The following ASZ1 variants were observed in gnomAD, a reference collection of about 807,000 sequenced individuals.
The protein encoded by ASZ1 is ankyrin repeat, SAM and basic leucine zipper domain containing 1.
Under a neutral mutation model 61.8 loss-of-function variants are expected in ASZ1, and 67 were observed. That is an observed-to-expected ratio of 1.08 (90% CI 0.89 to 1.33). The LOEUF is 1.33. Among genes scored for constraint, ASZ1 ranks in the 40% most tolerant of loss-of-function variants. ASZ1 has a pLI of 0.00. For missense variants in ASZ1, 577 were observed against 554.5 expected (o/e 1.04, Z -0.41); for synonymous variants, 193 against 192.7 (o/e 1.00, Z -0.01).
At position 117,387,309 on chromosome 7, in the gene ASZ1, A is replaced by AACG. The variant is rs546481724; in HGVS notation, c.441-1501_441-1500insCGT. On this transcript the variant is annotated intron_variant, in intron 4 of 12. Transcript: ENST00000284629. ...GGCAACCAGAGTGAGACCCTGTCTC[A>AACG]ACAACAACAACAACAACAACAACAA... Among the ~76,000 whole-genome samples the AACG allele has an allele frequency of 1.8e-4, 15 of 85,508 alleles. 1 individual carries two copies. Among genetic ancestry groups the AACG allele is most frequent in the African/African-American group, 1.2e-3 (14 of 11,728 alleles). 56.1% of individuals were successfully genotyped at this position (85,508 alleles called of 152,430 possible). A position where few individuals can be genotyped will look rare whatever the true frequency, so the allele number is the denominator to read the frequency against.
rs780794262 is a variant in ASZ1, at chr7:117,363,683, A to G, written c.1341T>C (p.Asn447=). Residue 447 remains asparagine (N), a synonymous_variant, in exon 13 of 13, where the codon AAT becomes AAC. Coordinates refer to ENST00000284629, the MANE Select transcript of ASZ1 (RefSeq NM_130768.3). ...IQLREEVSTW[N]SRILKRTAIT... The stretch of plus-strand genomic sequence containing the variant: ...TAGCTGTCCTCTTCAAAATTCTACT[A>G]TTCCATGTAGATACTTCTTCCCTTA... 1.9e-6 allele frequency: 3 copies of G among 1,607,364 alleles called. No homozygotes were observed. The highest frequency in any genetic ancestry group is 1.1e-5 in the South Asian group (1 of 90,194).
At chr7:117,395,779 A>T (rs188356140) in intron 4 of ASZ1, among the ~76,000 whole-genome samples, 1 of 152,304 alleles carries the variant, frequency 6.6e-6, no homozygotes, top group East Asian at 1.9e-4. Flanking sequence ...TCCTAATAAA[A>T]AAGATGTAAT....
intron 4 of ASZ1, among the ~76,000 whole-genome samples, chr7:117,406,347 TAAAATATG>T (rs1401768190): frequency 4.6e-5 from 7 of 152,182 alleles, no homozygotes; most frequent in Non-Finnish European, 8.8e-5. Context: ...AATCCCTGTT[TAAAATATG>T]AAAATAGAGG....
intron 4 of ASZ1, among the ~76,000 whole-genome samples, chr7:117,388,709 T>C (rs1193601573): frequency 6.6e-6 from 1 of 152,062 alleles, no homozygotes; most frequent in African/African-American, 2.4e-5. Context: ...AAGAGTACTT[T>C]CCCCCAACAT....
At chr7:117,387,307 TCAA>T (rs3034755) in intron 4 of ASZ1, among the ~76,000 whole-genome samples, 35,019 of 147,160 alleles carry the variant, frequency 0.24, 5,857 homozygotes, top group East Asian at 0.71. Flanking sequence ...AGACCCTGTC[TCAA>T]CAACAACAAC....
intron 10 of ASZ1, among the ~76,000 whole-genome samples, chr7:117,378,653 C>T (rs1353487029): frequency 6.6e-6 from 1 of 152,010 alleles, no homozygotes; most frequent in East Asian, 1.9e-4. Context: ...AACCACCGTA[C>T]AACCTAACAA....
intron 6 of ASZ1, 56 bp from the exon 7 acceptor site, chr7:117,383,166 C>G: frequency 7.1e-7 from 1 of 1,407,474 alleles, no homozygotes; most frequent in Non-Finnish European, 9.3e-7. Flanking sequence ...GTAACTTACA[C>G]TTAAAAGAAA....
intron 10 of ASZ1, among the ~76,000 whole-genome samples, chr7:117,377,259 G>C (rs1333852840): frequency 6.6e-6 from 1 of 152,124 alleles, no homozygotes; most frequent in African/African-American, 2.4e-5. Context: ...AGAAATGGTG[G>C]GTCAGGTTTG....
intron 4 of ASZ1, among the ~76,000 whole-genome samples, chr7:117,409,370 C>T (rs1488607894): frequency 6.6e-6 from 1 of 151,688 alleles, no homozygotes; most frequent in Non-Finnish European, 1.5e-5. Context: ...AAAAGTTAAA[C>T]ATATTAGCAA....
chr7:117,381,161 T>A, intron 8 of ASZ1, 94 bp from the exon 9 acceptor site: 2 of 1,144,320 alleles, frequency 1.7e-6, no homozygotes, highest in Non-Finnish European at 2.5e-6. Flanking sequence ...CTTGCTTCAC[T>A]CTGAAGCAAA....
chr7:117,387,998 T>C (rs1230000537), intron 4 of ASZ1, among the ~76,000 whole-genome samples: 1 of 152,106 alleles, frequency 6.6e-6, no homozygotes, highest in Non-Finnish European at 1.5e-5. Context: ...ATCCAGATTT[T>C]AGAAGTATGA....
intron 4 of ASZ1, among the ~76,000 whole-genome samples, chr7:117,418,359 C>T (rs1186095162): frequency 5.3e-5 from 8 of 152,038 alleles, no homozygotes; most frequent in Non-Finnish European, 1.0e-4. Flanking sequence ...ATAAAAGTTT[C>T]GTTAAAAGTT....
At chr7:117,408,082 G>A (rs1796823418) in intron 4 of ASZ1, among the ~76,000 whole-genome samples, 1 of 152,042 alleles carries the variant, frequency 6.6e-6, no homozygotes, top group African/African-American at 2.4e-5. Context: ...TTTTTATGAA[G>A]GAATGGTTAA....
rs371905312 is a variant in ASZ1 at position 117,379,891 on chromosome 7, T to A, written c.1055+47A>T. On this transcript the variant is annotated intron_variant, in intron 10 of 12. Transcript: ENST00000284629. ...ATGAAAATTAAACTAAAAAGAACAA[T>A]TGGTTCTTAACACTATTAATAATAT... 4.1e-6 allele frequency: 5 copies of A among 1,211,880 alleles called. No individual in the cohort carries two copies. In the South Asian group the frequency reaches 7.0e-5, roughly 17 times the overall value. 75.1% of individuals were successfully genotyped at this position (1,211,880 alleles called of 1,614,324 possible).
intron 4 of ASZ1, among the ~76,000 whole-genome samples, chr7:117,417,434 T>C (rs1336874614): frequency 6.6e-6 from 1 of 152,218 alleles, no homozygotes. Flanking sequence ...CCCAGATGTA[T>C]TGCTGGTATC....
intron 10 of ASZ1, among the ~76,000 whole-genome samples, chr7:117,371,323 T>C (rs2116450373): frequency 6.6e-6 from 1 of 152,290 alleles, no homozygotes; most frequent in South Asian, 2.1e-4. Flanking sequence ...ACAAGTCTAT[T>C]CTCTTAGCTA....
intron 4 of ASZ1, among the ~76,000 whole-genome samples, chr7:117,418,551 G>C (rs1797039420): frequency 6.6e-6 from 1 of 152,014 alleles, no homozygotes; most frequent in African/African-American, 2.4e-5. Context: ...TACTCAGGAG[G>C]CTAAGGCAAG....
Position 117,383,122 on chromosome 7 carries a change from T to C in ASZ1, c.688-12A>G. ...AGTAAGTTGAAGATCTGAAAAAAGT[T>C]AACATCATTCAAATATAATTAACAT... On this transcript the variant is annotated splice_polypyrimidine_tract_variant and intron_variant, in intron 6 of 12. Transcript: ENST00000284629. 6.5e-7 allele frequency: 1 copy of C among 1,533,640 alleles called. No individual in the cohort carries two copies. The highest frequency in any genetic ancestry group is 8.7e-7 in the Non-Finnish European group (1 of 1,143,808).
intron 4 of ASZ1, among the ~76,000 whole-genome samples, chr7:117,401,393 T>A (rs375658978): frequency 4.3e-4 from 58 of 136,130 alleles, no homozygotes; most frequent in Admixed American, 1.3e-3. Context: ...TTTTTTTTTT[T>A]TAAAAAAAAA....
Sources: allele counts gnomAD v4.1 joint callset (sites outside exome capture counted in the v4.1 genomes callset), GRCh38; gene constraint gnomAD v4.1.1; transcripts MANE v1.5; gene names NCBI Gene and HGNC (gene_info 2026-07-23, HGNC 2026-07-21).